Variants in NKTR observed in about 807,000 individuals in gnomAD.
The protein encoded by NKTR is NK-tumor recognition protein.
NKTR carries 67 observed loss-of-function variants against 156.3 expected under a neutral mutation model. The observed-to-expected ratio is 0.43, with a 90% confidence interval of 0.35 to 0.53. NKTR has a LOEUF of 0.53. NKTR is among the 20% of genes least tolerant of loss of function. The pLI, the probability that NKTR is intolerant of heterozygous loss-of-function variation, is 0.01. For missense variants in NKTR, 1,604 were observed against 1,730.9 expected, an observed-to-expected ratio of 0.93 and a Z score of 1.30; for synonymous variants, 640 against 596.6, an observed-to-expected ratio of 1.07 and a Z score of -1.06.
In NKTR at chr3:42,640,301, T is replaced by C. The variant is rs182436446; in HGVS notation, c.4046+551T>C. On this transcript the variant is annotated intron_variant, in intron 13 of 16. Transcript: ENST00000232978. ...TTTCTCATCTTTGTCACTCTGCACC[T>C]TCATGAAAAGGTTTTTTGTTATTGT... Among the ~76,000 whole-genome samples, 910 of 152,334 alleles carry C rather than the reference T, an allele frequency of 6.0e-3. 11 individuals carry two copies. The highest frequency in any genetic ancestry group is 0.02 in the African/African-American group (847 of 41,566).
At chr3:42,603,597 A>G (rs1577406083) in intron 2 of NKTR, among the ~76,000 whole-genome samples, 1 of 152,218 alleles carries the variant, frequency 6.6e-6, no homozygotes, top group South Asian at 2.1e-4. Flanking sequence ...ACGCCGAATC[A>G]TATAAAACAA....
chr3:42,617,489 T>G, intron 2 of NKTR, 81 bp from the exon 3 acceptor site: 2 of 702,682 alleles, frequency 2.8e-6, no homozygotes, highest in East Asian at 5.3e-5. Context: ...CTTTCTAATT[T>G]GTTAGCCCTG....
chr3:42,621,562 C>T (rs756900599), intron 6 of NKTR, 46 bp downstream of exon 6: 38 of 1,580,568 alleles, frequency 2.4e-5, no homozygotes, highest in East Asian at 2.0e-4. Context: ...AACAGAGAAG[C>T]GCTGTTCATA....
chr3:42,646,015 TGGCAACTTAGCTTAAGAAATGTAATGACA>T lies in NKTR; in HGVS notation c.*42_*70del. ...AAATTATATCTTATTTGTAAATATCTGGCAACTTAGCTTAAGAAATGTAATGACAGTCTGTTGTTCTATTTCAATATCAG... is the reference window on the plus strand; with the variant it reads ...AAATTATATCTTATTTGTAAATATCTGTCTGTTGTTCTATTTCAATATCAG... On this transcript the variant is annotated 3_prime_UTR_variant, in exon 17 of 17. Coordinates refer to ENST00000232978, the MANE Select transcript of NKTR (RefSeq NM_005385.4). 1 of 1,434,546 alleles carries T rather than the reference TGGCAACTTAGCTTAAGAAATGTAATGACA, an allele frequency of 7.0e-7. No homozygotes were observed. The allele number at this position is 1,434,546 out of a possible 1,614,324, so 88.9% of individuals were successfully genotyped here.
chr3:42,618,398 T>C (rs1707600351), intron 3 of NKTR, among the ~76,000 whole-genome samples: 1 of 152,034 alleles, frequency 6.6e-6, no homozygotes, highest in African/African-American at 2.4e-5. Context: ...TTTAAATTCT[T>C]ACTTGGATAC....
chr3:42,611,646 T>A (rs773194724), intron 2 of NKTR, among the ~76,000 whole-genome samples: 37 of 151,696 alleles, frequency 2.4e-4, no homozygotes, highest in Non-Finnish European at 4.1e-4. Flanking sequence ...GGCAGGAGAA[T>A]TGCTTGAACC....
intron 3 of NKTR, 104 bp downstream of exon 3, chr3:42,617,748 T>C: frequency 1.7e-6 from 1 of 602,102 alleles, no homozygotes; most frequent in Non-Finnish European, 2.9e-6. Flanking sequence ...TGAAATTAGT[T>C]TTGTGAATTA....
At chr3:42,621,580 T>C in intron 6 of NKTR, 64 bp downstream of exon 6, 1 of 1,542,330 alleles carries the variant, frequency 6.5e-7, no homozygotes, top group Non-Finnish European at 8.7e-7. Flanking sequence ...ATAAGAAAGA[T>C]GGTATAGTTA....
intron 6 of NKTR, chr3:42,628,374 T>C: frequency 1.0e-6 from 1 of 985,158 alleles, no homozygotes; most frequent in Non-Finnish European, 1.2e-6. Context: ...TTGAATGTCA[T>C]AAAGATAGCT....
intron 2 of NKTR, among the ~76,000 whole-genome samples, chr3:42,611,871 T>C (rs1427597984): frequency 6.6e-6 from 1 of 152,216 alleles, no homozygotes; most frequent in Non-Finnish European, 1.5e-5. Flanking sequence ...TTTTATTGAT[T>C]CTCCACTGCC....
intron 2 of NKTR, among the ~76,000 whole-genome samples, chr3:42,603,873 T>G (rs1181427713): frequency 6.6e-6 from 1 of 151,930 alleles, no homozygotes; most frequent in Non-Finnish European, 1.5e-5. Flanking sequence ...GTAGCTGGGA[T>G]TACAGGCATG....
At chr3:42,630,356 T>C in intron 6 of NKTR, 190 bp from the exon 7 acceptor site, 2 of 1,399,444 alleles carry the variant, frequency 1.4e-6, no homozygotes, top group South Asian at 1.7e-5. Context: ...TTGAGTTTTT[T>C]AAATTAGTAA....
chr3:42,601,108 T>C, intron 2 of NKTR, 44 bp downstream of exon 2: 1 of 1,497,406 alleles, frequency 6.7e-7, no homozygotes, highest in Non-Finnish European at 9.0e-7. Flanking sequence ...GAGGCCTGCC[T>C]TGGCGAAGGG....
chr3:42,638,845 CAATG>C lies in NKTR; in HGVS notation c.3144_3147del (p.Asn1048LysfsTer3), dbSNP rs769719518. On this transcript the variant is annotated frameshift_variant, in exon 13 of 17. Transcript: ENST00000232978. LOFTEE classifies it high-confidence loss of function. ...CAAAAGAGAAAAAAGTTTCTGAAAA[CAATG>C]AAACCATAAAAGATAATATTCTAAA... 6.9e-6 allele frequency: 11 copies of C among 1,602,802 alleles called. No individual in the cohort carries two copies. Among genetic ancestry groups the C allele is most frequent in the African/African-American group, 1.4e-5 (1 of 73,844 alleles).
intron 6 of NKTR, among the ~76,000 whole-genome samples, chr3:42,622,800 T>A (rs549251501): frequency 8.5e-5 from 13 of 152,190 alleles, no homozygotes; most frequent in African/African-American, 3.1e-4. Flanking sequence ...AATGTAAAAA[T>A]TGTTTATCCT....
At chr3:42,603,604 A>T (rs888865671) in intron 2 of NKTR, among the ~76,000 whole-genome samples, 10 of 152,202 alleles carry the variant, frequency 6.6e-5, no homozygotes, top group African/African-American at 2.4e-4. Context: ...ATCATATAAA[A>T]CAAGGAAATG....
chr3:42,624,767 G>A (rs1438853188), intron 6 of NKTR, among the ~76,000 whole-genome samples: 3 of 152,010 alleles, frequency 2.0e-5, no homozygotes, highest in African/African-American at 7.2e-5. Flanking sequence ...CAAACATTTT[G>A]CTGGAAAACA....
intron 8 of NKTR, among the ~76,000 whole-genome samples, chr3:42,631,985 C>T (rs767485259): frequency 1.3e-4 from 20 of 151,928 alleles, no homozygotes; most frequent in Non-Finnish European, 1.0e-4. Context: ...GTTAAACTAC[C>T]CCTAGTCTTC....
At chr3:42,635,155 C>T in intron 11 of NKTR, 66 bp from the exon 12 acceptor site, 1 of 1,251,126 alleles carries the variant, frequency 8.0e-7, no homozygotes, top group Non-Finnish European at 1.1e-6. Flanking sequence ...TTTTACTTAA[C>T]TCTGTCACAT....
Sources: gnomAD v4.1 joint callset for allele counts (sites outside exome capture counted in the v4.1 genomes callset) on GRCh38, gnomAD v4.1.1 for gene constraint, MANE v1.5 for transcripts, NCBI Gene and HGNC (gene_info 2026-07-23, HGNC 2026-07-21) for gene names.